Variants in CDC27 observed in about 807,000 individuals in gnomAD.
CDC27 encodes cell division cycle 27.
A neutral mutation model predicts 109.7 loss-of-function variants in CDC27; 27 were observed. The observed-to-expected ratio is 0.25, with a 90% confidence interval of 0.18 to 0.34. The LOEUF is 0.34. CDC27 is among the 10% of genes least tolerant of loss of function. CDC27 has a pLI of 1.00. For synonymous variants in CDC27, 266 were observed against 333.9 expected, an observed-to-expected ratio of 0.80 and a Z score of 2.22; for missense variants, 579 against 960.2, an observed-to-expected ratio of 0.60 and a Z score of 5.25.
At chr17:47,181,060 TG>T (rs2064204818) in intron 2 of CDC27, among the ~76,000 whole-genome samples, 1 of 144,044 alleles carries the variant, frequency 6.9e-6, no homozygotes, top group Admixed American at 7.0e-5. Context: ...GAGACCAGCC[TG>T]GGCAACATAG....
Position 47,120,873 on chromosome 17 carries a change from A to G in CDC27, c.*62T>C. On this transcript the variant is annotated 3_prime_UTR_variant, in exon 19 of 19. Transcript: ENST00000066544. ...TCAAGAGTAAAGACTCAGTATACAG[A>G]GGGACAAGAAACACGTCAGCACTAG... 3 of 1,185,816 alleles carry G rather than the reference A, an allele frequency of 2.5e-6. No individual in the cohort carries two copies. In the Admixed American group the frequency reaches 5.4e-5, roughly 21 times the overall value. 73.5% of individuals were successfully genotyped at this position (1,185,816 alleles called of 1,614,324 possible).
chr17:47,159,525 T>C (rs780825192), intron 4 of CDC27: 8 of 514,540 alleles, frequency 1.6e-5, no homozygotes, highest in Non-Finnish European at 2.8e-5. Context: ...CCTGTCACCT[T>C]GCAAGGGACG....
intron 16 of CDC27, among the ~76,000 whole-genome samples, chr17:47,126,694 A>C (rs1022615037): frequency 3.9e-5 from 6 of 152,260 alleles, no homozygotes; most frequent in Admixed American, 2.6e-4. Context: ...AAAGAGGTAC[A>C]TAAAGCAAAT....
intron 4 of CDC27, chr17:47,162,184 CCTTCACAGCCAATCAGCAA>C (rs1358448629): frequency 6.6e-6 from 1 of 152,208 alleles, no homozygotes; most frequent in Non-Finnish European, 1.5e-5. Context: ...TCTCCTCTGA[CCTTCACAGCCAATCAGCAA>C]CGAAGCCATA....
chr17:47,182,472 C>A (rs1283304519), intron 1 of CDC27, among the ~76,000 whole-genome samples: 1 of 152,166 alleles, frequency 6.6e-6, no homozygotes. Context: ...AAAGAGGAAA[C>A]CACCACACTG....
At chr17:47,135,673 T>G (rs906830746) in intron 14 of CDC27, among the ~76,000 whole-genome samples, 3 of 152,192 alleles carry the variant, frequency 2.0e-5, no homozygotes, top group Non-Finnish European at 4.4e-5. Context: ...CTCCTCCTAG[T>G]AAAAGCTTGC....
chr17:47,159,747 T>C (rs2063437257), intron 4 of CDC27: 2 of 412,462 alleles, frequency 4.8e-6, no homozygotes. Flanking sequence ...TGCACCGGCA[T>C]AATCTTCAAA....
intron 2 of CDC27, among the ~76,000 whole-genome samples, chr17:47,173,514 A>G (rs990887467): frequency 2.0e-5 from 3 of 152,182 alleles, no homozygotes; most frequent in African/African-American, 7.2e-5. Flanking sequence ...TCACCTTATA[A>G]GTTTTTAAAA....
chr17:47,139,646 G>A (rs1225935572), intron 12 of CDC27: 1 of 152,142 alleles, frequency 6.6e-6, no homozygotes, highest in Non-Finnish European at 1.5e-5. Flanking sequence ...TTTACCGAGA[G>A]GTTGTGCCAG....
intron 2 of CDC27, among the ~76,000 whole-genome samples, chr17:47,178,071 AG>A (rs1475224437): frequency 6.6e-6 from 1 of 152,196 alleles, no homozygotes; most frequent in African/African-American, 2.4e-5. Context: ...CAATGGGGGA[AG>A]GGAATTTATT....
chr17:47,142,771 C>T (rs915048115), intron 10 of CDC27, among the ~76,000 whole-genome samples: 1 of 152,170 alleles, frequency 6.6e-6, no homozygotes, highest in Non-Finnish European at 1.5e-5. Context: ...CTCTGCCTCC[C>T]GGGTTCAAGC....
intron 13 of CDC27, 34 bp downstream of exon 13, chr17:47,138,705 T>A: frequency 6.6e-7 from 1 of 1,514,060 alleles, no homozygotes; most frequent in Non-Finnish European, 9.1e-7. Context: ...ATCAAAAAGG[T>A]AACTATATAA....
chr17:47,150,760 C>T (rs1238811348), intron 9 of CDC27, among the ~76,000 whole-genome samples: 15 of 152,284 alleles, frequency 9.9e-5, no homozygotes, highest in African/African-American at 3.1e-4. Flanking sequence ...TGGCCAGGCA[C>T]GGTGGCTCAT....
rs537492291 is a variant in CDC27, at chr17:47,167,920, GC to G, written c.377+1996del. Among the ~76,000 whole-genome samples the G allele has an allele frequency of 2.6e-3, 398 of 152,266 alleles. 5 individuals carry two copies. Among genetic ancestry groups the G allele is most frequent in the African/African-American group, 9.0e-3 (373 of 41,566 alleles). ...AGCTATAAATTGGGATTCCCACAATGCTCTATTCAGGTTTGATGAATTTGCT... is the reference window on the plus strand; with the variant it reads ...AGCTATAAATTGGGATTCCCACAATGTCTATTCAGGTTTGATGAATTTGCT... On this transcript the variant is annotated intron_variant, in intron 4 of 18. Coordinates refer to ENST00000066544, the MANE Select transcript of CDC27 (RefSeq NM_001256.6).
In CDC27 at chr17:47,143,937, G is replaced by A. The variant is rs76836956; in HGVS notation, c.1116C>T (p.Asn372=). 17 of 1,494,010 alleles carry A rather than the reference G, an allele frequency of 1.1e-5. No homozygotes were observed. The highest frequency in any genetic ancestry group is 4.2e-5 in the African/African-American group (3 of 71,320). The allele number at this position is 1,494,010 out of a possible 1,614,324, so 92.5% of individuals were successfully genotyped here. The change falls in exon 10 of 19, where the codon AAC becomes AAT. Residue 372 remains asparagine, a synonymous_variant. Coordinates refer to ENST00000066544, the MANE Select transcript of CDC27 (RefSeq NM_001256.6). ...VLSPTITSPP[N]ALPRRSSRLF... is the part of the protein sequence containing the mutation. ...GTCGTGAACTTCTTCGAGGCAGTGC[G>A]TTTGGGGGAGATGTAATAGTGGGGC...
At position 47,159,450 on chromosome 17, in the gene CDC27, C is replaced by T. The variant is rs542644205; in HGVS notation, c.378-1147G>A. ...CATCATGAGCAGCTTCTTGGGCACA[C>T]GTGCCAAGACGATGCCCGTGCTCCT... On this transcript the variant is annotated intron_variant, in intron 4 of 18. Transcript: ENST00000066544. The T allele has an allele frequency of 1.6e-4, 105 of 676,338 alleles. 1 individual carries two copies. The South Asian group carries it at 1.8e-3, about 11-fold the overall frequency. The allele number at this position is 676,338 out of a possible 1,614,324, so 41.9% of individuals were successfully genotyped here.
chr17:47,169,899 T>A lies in CDC27; in HGVS notation c.377+18A>T. On this transcript the variant is annotated intron_variant, in intron 4 of 18. Coordinates refer to ENST00000066544, the MANE Select transcript of CDC27 (RefSeq NM_001256.6). ...GTATGGAAATGCTTTTCTGACAGTT[T>A]GAATCATTCTTACTTACCAATATAC... 1 of 1,554,232 alleles carries A rather than the reference T, an allele frequency of 6.4e-7. No individual in the cohort carries two copies. Among genetic ancestry groups the A allele is most frequent in the Non-Finnish European group, 8.6e-7 (1 of 1,157,106 alleles).
At chr17:47,159,272 C>T (rs1225859083) in intron 4 of CDC27, 2 of 570,658 alleles carry the variant, frequency 3.5e-6, no homozygotes, top group Non-Finnish European at 5.9e-6. Context: ...CAGTGAATTC[C>T]CGATAGGGAG....
At chr17:47,134,306 ATTT>A (rs35766560) in intron 14 of CDC27, among the ~76,000 whole-genome samples, 16 of 145,030 alleles carry the variant, frequency 1.1e-4, no homozygotes, top group African/African-American at 2.3e-4. Flanking sequence ...ACCCATATAG[ATTT>A]TTTTTTTTTT....
Sources: allele counts gnomAD v4.1 joint callset (sites outside exome capture counted in the v4.1 genomes callset), GRCh38; gene constraint gnomAD v4.1.1; transcripts MANE v1.5; gene names NCBI Gene and HGNC (gene_info 2026-07-23, HGNC 2026-07-21).